The following WWOX variants were observed in gnomAD, a reference collection of about 807,000 sequenced individuals.
The protein encoded by WWOX is WW domain containing oxidoreductase.
In WWOX, 69 loss-of-function variants were observed where a neutral mutation model predicts 46.2. The observed-to-expected ratio is 1.49, with a 90% CI of 1.23 to 1.82. WWOX has a LOEUF of 1.82. Among genes scored for constraint, WWOX ranks in the 40% most tolerant of loss-of-function variants. The probability of loss-of-function intolerance (pLI) is 0.00; values close to 1 mark genes in which losing one functional copy is unlikely to be tolerated. For synonymous variants in WWOX, 359 were observed against 202.6 expected, an observed-to-expected ratio of 1.77 and a Z score of -6.56; for missense variants, 919 against 542.6, an observed-to-expected ratio of 1.69 and a Z score of -6.89.
intron 8 of WWOX, among the ~76,000 whole-genome samples, chr16:78,653,241 G>T (rs1379463614): frequency 6.6e-6 from 1 of 152,010 alleles, no homozygotes. Context: ...CCATGTAAAT[G>T]AATTGTATTT....
intron 8 of WWOX, among the ~76,000 whole-genome samples, chr16:78,709,263 C>A (rs1189065146): frequency 6.6e-6 from 1 of 152,166 alleles, no homozygotes; most frequent in Non-Finnish European, 1.5e-5. Flanking sequence ...TCTCTGCCTG[C>A]GGGAGACAAA....
intron 8 of WWOX, among the ~76,000 whole-genome samples, chr16:79,084,190 C>CT (rs1450161473): frequency 9.2e-5 from 14 of 152,114 alleles, no homozygotes; most frequent in African/African-American, 3.4e-4. Flanking sequence ...AGAAGGCCAG[C>CT]TTGAAGAAAG....
chr16:78,730,271 C>T (rs80008088), intron 8 of WWOX, among the ~76,000 whole-genome samples: 4,682 of 152,166 alleles, frequency 0.031, 199 homozygotes, highest in African/African-American at 0.11. Context: ...CTCAATTTTA[C>T]TGTCCCATCC....
At chr16:79,118,147 G>A (rs2049555399) in intron 8 of WWOX, among the ~76,000 whole-genome samples, 1 of 152,194 alleles carries the variant, frequency 6.6e-6, no homozygotes, top group African/African-American at 2.4e-5. Flanking sequence ...TGAGAGACAT[G>A]CAACTCTGAC....
chr16:78,812,398 G>C (rs1445731473), intron 8 of WWOX, among the ~76,000 whole-genome samples: 2 of 151,842 alleles, frequency 1.3e-5, no homozygotes, highest in African/African-American at 2.4e-5. Context: ...ACAACTTCTT[G>C]AAAATATTTG....
At chr16:79,089,430 C>G (rs2048913061) in intron 8 of WWOX, among the ~76,000 whole-genome samples, 1 of 151,058 alleles carries the variant, frequency 6.6e-6, no homozygotes, top group African/African-American at 2.4e-5. Context: ...CTCCTGGGTT[C>G]AAGCGATTCT....
intron 8 of WWOX, among the ~76,000 whole-genome samples, chr16:78,441,100 G>A (rs1011630400): frequency 3.3e-5 from 5 of 151,882 alleles, no homozygotes; most frequent in South Asian, 4.2e-4. Flanking sequence ...GCACCACCAC[G>A]CACGGCTGAT....
At chr16:78,660,038 A>G (rs747245694) in intron 8 of WWOX, among the ~76,000 whole-genome samples, 3 of 152,142 alleles carry the variant, frequency 2.0e-5, no homozygotes, top group Non-Finnish European at 4.4e-5. Flanking sequence ...CTCAAAGCAA[A>G]CACATCATTC....
At chr16:78,992,922 A>T (rs1053571641) in intron 8 of WWOX, among the ~76,000 whole-genome samples, 4 of 145,256 alleles carry the variant, frequency 2.8e-5, no homozygotes, top group African/African-American at 1.0e-4. Flanking sequence ...ATATCTACGT[A>T]TAATTTTTGC....
chr16:78,962,578 C>T (rs9923762), intron 8 of WWOX, among the ~76,000 whole-genome samples: 100,085 of 151,896 alleles, frequency 0.66, 33,567 homozygotes, highest in African/African-American at 0.79. Context: ...AGAAAGTGCC[C>T]AGAAAGAATG....
chr16:78,994,628 A>T (rs1249957452), intron 8 of WWOX, among the ~76,000 whole-genome samples: 1 of 152,188 alleles, frequency 6.6e-6, no homozygotes, highest in Non-Finnish European at 1.5e-5. Flanking sequence ...ACCAGAATAA[A>T]AGAATTCTCT....
intron 8 of WWOX, among the ~76,000 whole-genome samples, chr16:78,965,988 G>A (rs1479217775): frequency 1.3e-5 from 2 of 152,166 alleles, no homozygotes; most frequent in Non-Finnish European, 2.9e-5. Context: ...ATTTGGTTCT[G>A]CACCTGAGAA....
intron 8 of WWOX, among the ~76,000 whole-genome samples, chr16:78,984,871 C>T (rs1174075166): frequency 3.3e-5 from 5 of 152,034 alleles, no homozygotes; most frequent in Admixed American, 6.6e-5. Context: ...GTGCATGGAG[C>T]GTGCAGGGGA....
At chr16:78,131,636 C>T (rs960595651) in intron 4 of WWOX, among the ~76,000 whole-genome samples, 1 of 151,696 alleles carries the variant, frequency 6.6e-6, no homozygotes, top group African/African-American at 2.4e-5. Flanking sequence ...GGATGGAGTG[C>T]AATGGCCCGA....
intron 8 of WWOX, among the ~76,000 whole-genome samples, chr16:78,508,310 CTTTTTTTTTTTTTTT>C (rs60281450): frequency 5.0e-4 from 56 of 112,766 alleles, no homozygotes; most frequent in Non-Finnish European, 4.0e-4. Flanking sequence ...TGCGCCCGGC[CTTTTTTTTTTTTTTT>C]TTTTTTTTTT....
chr16:79,022,701 G>A lies in WWOX; in HGVS notation c.1057-188907G>A, dbSNP rs139476135. Among the ~76,000 whole-genome samples, 687 of 152,296 alleles carry A rather than the reference G, an allele frequency of 4.5e-3. 2 individuals carry two copies. Among genetic ancestry groups the A allele is most frequent in the African/African-American group, 0.016 (649 of 41,562 alleles). On this transcript the variant is annotated intron_variant, in intron 8 of 8. Coordinates refer to ENST00000566780, the MANE Select transcript of WWOX (RefSeq NM_016373.4). Reference sequence around the variant, plus strand: ...TGATATGCACTGATGTAAGGGGCTGGAGCCCAAGAGGGAGGGGAGGCCAAG... The same window carrying A: ...TGATATGCACTGATGTAAGGGGCTGAAGCCCAAGAGGGAGGGGAGGCCAAG...
chr16:78,829,404 C>A (rs570587111), intron 8 of WWOX, among the ~76,000 whole-genome samples: 2 of 152,278 alleles, frequency 1.3e-5, no homozygotes, highest in Admixed American at 6.5e-5. Flanking sequence ...TAGATGAGAT[C>A]CACCCCTACA....
At chr16:78,110,097 T>G (rs1360461747) in intron 3 of WWOX, among the ~76,000 whole-genome samples, 1 of 151,494 alleles carries the variant, frequency 6.6e-6, no homozygotes, top group African/African-American at 2.4e-5. Context: ...ATCCCAGCAC[T>G]TTGGGAGGTC....
intron 8 of WWOX, among the ~76,000 whole-genome samples, chr16:78,700,097 T>C (rs2048180467): frequency 6.6e-6 from 1 of 151,798 alleles, no homozygotes; most frequent in Non-Finnish European, 1.5e-5. Context: ...CCTAGGGTCA[T>C]TTTTTTCAAC....
Sources: allele counts gnomAD v4.1 joint callset (sites outside exome capture counted in the v4.1 genomes callset), GRCh38; gene constraint gnomAD v4.1.1; transcripts MANE v1.5; gene names NCBI Gene and HGNC (gene_info 2026-07-23, HGNC 2026-07-21).